ATRX: variants seen among roughly 807,000 people sequenced by gnomAD.
The protein encoded by ATRX is chromatin remodeler ATRX.
In ATRX, 12 loss-of-function variants were observed where a neutral mutation model predicts 172.6. The ratio of observed to expected loss-of-function variants is 0.07; its 90% CI spans 0.04 to 0.11. The LOEUF (loss-of-function observed/expected upper bound fraction) is 0.11. Ranked by LOEUF, ATRX falls within the 10% of genes least tolerant of loss-of-function variation. ATRX has a pLI of 1.00. For synonymous variants in ATRX, 674 were observed against 594.7 expected (o/e 1.13, Z -1.94); for missense variants, 1,368 against 1,767.4 (o/e 0.77, Z 4.05).
chrX:77,653,004 TAAAAA>T (rs554448289), intron 14 of ATRX, among the ~76,000 whole-genome samples: 1 of 69,013 alleles, frequency 1.4e-5, no homozygotes, highest in Middle Eastern at 7.8e-3. Flanking sequence ...TGTTTCTTGT[TAAAAA>T]AAAAAAAAAA....
At chrX:77,549,065 C>G (rs1257025688) in intron 30 of ATRX, among the ~76,000 whole-genome samples, 1 of 111,633 alleles carries the variant, frequency 9.0e-6, no homozygotes, top group Admixed American at 9.6e-5. Context: ...TTAAGAGGAA[C>G]AAAACACCCA....
At chrX:77,619,836 C>T (rs1361337507) in intron 20 of ATRX, among the ~76,000 whole-genome samples, 3 of 111,997 alleles carry the variant, frequency 2.7e-5, no homozygotes, top group Admixed American at 9.4e-5. Flanking sequence ...CAATTAGTTA[C>T]TTGCTGAATA....
intron 15 of ATRX, among the ~76,000 whole-genome samples, chrX:77,645,898 G>A (rs1206381351): frequency 9.0e-6 from 1 of 111,662 alleles, no homozygotes; most frequent in Non-Finnish European, 1.9e-5. Flanking sequence ...ATTCAAGTAA[G>A]ACTCTCATAA....
At chrX:77,638,359 G>T (rs1779087648) in intron 15 of ATRX, among the ~76,000 whole-genome samples, 1 of 112,840 alleles carries the variant, frequency 8.9e-6, no homozygotes, top group Admixed American at 9.3e-5. Context: ...TATAGTCCCA[G>T]CTACTCAGGA....
At chrX:77,748,018 T>G (rs781905760) in intron 1 of ATRX, among the ~76,000 whole-genome samples, 1 of 111,706 alleles carries the variant, frequency 9.0e-6, no homozygotes, top group East Asian at 2.8e-4. Context: ...AATCTAGGTT[T>G]CCTGACAGAA....
chrX:77,721,858 C>T (rs1482434187), intron 1 of ATRX, among the ~76,000 whole-genome samples: 1 of 111,525 alleles, frequency 9.0e-6, no homozygotes, highest in Admixed American at 9.6e-5. Context: ...AAATACCCCA[C>T]AGGGCCACGA....
chrX:77,505,118 G>C lies in ATRX; in HGVS notation c.*3233C>G, dbSNP rs1226504198. 1 of 169,692 alleles carries C rather than the reference G, an allele frequency of 5.9e-6. No individual in the cohort carries two copies. Among genetic ancestry groups the C allele is most frequent in the African/African-American group, 3.0e-5 (1 of 33,517 alleles). The allele number at this position is 169,692 out of a possible 1,213,427, so 14.0% of individuals were successfully genotyped here. On this transcript the variant is annotated 3_prime_UTR_variant, in exon 35 of 35. Transcript: ENST00000373344. ...GTAAATACCCTGAACATAATTTTTAGTATAATAAACATGTAAAAGGATTGA... is the reference window on the plus strand; with the variant it reads ...GTAAATACCCTGAACATAATTTTTACTATAATAAACATGTAAAAGGATTGA...
At position 77,664,632 on chromosome X, in the gene ATRX, C is replaced by A. The variant is rs782759335; in HGVS notation, c.3943+13G>T. 5.8e-6 allele frequency: 7 copies of A among 1,210,407 alleles called. No individual in the cohort carries two copies. The South Asian group carries it at 1.2e-4, about 21-fold the overall frequency. ...AAATTATGACATTATAAACTTCTCT[C>A]TGGGGAGCTCACCCTCATCTCCTGG... is the stretch of plus-strand genomic sequence containing the variant. On this transcript the variant is annotated intron_variant, in intron 11 of 34. Transcript: ENST00000373344.
chrX:77,619,512 T>A (rs1012587015), intron 20 of ATRX, among the ~76,000 whole-genome samples: 1 of 110,482 alleles, frequency 9.1e-6, no homozygotes, highest in Non-Finnish European at 1.9e-5. Flanking sequence ...AAAAAAAAAA[T>A]TAATTACTAA....
At chrX:77,599,356 C>T in intron 25 of ATRX, 55 bp downstream of exon 25, 1 of 1,178,314 alleles carries the variant, frequency 8.5e-7, no homozygotes, top group Non-Finnish European at 1.2e-6. Context: ...GGACTAACGA[C>T]ATGACATTTT....
In ATRX at chrX:77,656,609, C is replaced by T; in HGVS notation, c.4165G>A (p.Val1389Ile). The change falls in exon 13 of 35, where the codon GTT becomes ATT. Residue 1389 changes from valine (V) to isoleucine (I), a missense_variant. This residue lies in a region of ATRX where 119 missense variants were observed against 131.3 expected (regional missense o/e 0.91). Coordinates refer to ENST00000373344, the MANE Select transcript of ATRX (RefSeq NM_000489.6). ...TCGGATTCACTAACTTCTTCACTAA[C>T]TCCTGATTCCTGAAAATCAGAATCT... Reference protein sequence around the residue: ...SEDSDFQESGVSEEVSESEDE... With the variant: ...SEDSDFQESGISEEVSESEDE... 1 of 1,206,914 alleles carries T rather than the reference C, an allele frequency of 8.3e-7. No individual in the cohort carries two copies. The highest frequency in any genetic ancestry group is 1.1e-6 in the Non-Finnish European group (1 of 892,986).
intron 1 of ATRX, among the ~76,000 whole-genome samples, chrX:77,776,320 T>C (rs1337431476): frequency 9.1e-6 from 1 of 110,135 alleles, no homozygotes; most frequent in Non-Finnish European, 1.9e-5. Context: ...TAATAACTAA[T>C]ATTTGAGTAA....
intron 19 of ATRX, among the ~76,000 whole-genome samples, chrX:77,629,257 T>C (rs1489741690): frequency 8.9e-6 from 1 of 112,397 alleles, no homozygotes; most frequent in Non-Finnish European, 1.9e-5. Context: ...TATCACTAAT[T>C]TGTTCCAAAT....
intron 9 of ATRX, among the ~76,000 whole-genome samples, chrX:77,680,707 A>G: frequency 8.9e-6 from 1 of 111,746 alleles, no homozygotes; most frequent in South Asian, 3.7e-4. Flanking sequence ...ATTTTTAAAT[A>G]AATTCTGAGT....
At chrX:77,549,490 T>C (rs1338449979) in intron 30 of ATRX, among the ~76,000 whole-genome samples, 1 of 112,697 alleles carries the variant, frequency 8.9e-6, no homozygotes, top group African/African-American at 3.2e-5. Flanking sequence ...TTTACATAAA[T>C]GTTAACAGGT....
chrX:77,704,160 T>C (rs1289909350), intron 2 of ATRX, among the ~76,000 whole-genome samples: 1 of 110,316 alleles, frequency 9.1e-6, no homozygotes. Flanking sequence ...CTAGTATGAG[T>C]AGTACCTCTC....
intron 30 of ATRX, among the ~76,000 whole-genome samples, chrX:77,555,179 G>A (rs2064724979): frequency 9.0e-6 from 1 of 111,194 alleles, no homozygotes; most frequent in Non-Finnish European, 1.9e-5. Flanking sequence ...ACACCAGTTA[G>A]AATAATGATC....
chrX:77,710,698 G>C (rs2073066141), intron 2 of ATRX, among the ~76,000 whole-genome samples: 1 of 26,019 alleles, frequency 3.8e-5, no homozygotes, highest in Non-Finnish European at 6.8e-5. Flanking sequence ...AACCCCAAAA[G>C]ATTATTTACT....
In ATRX at chrX:77,620,536, C is replaced by T; in HGVS notation, c.5135-4G>A. Reference sequence around the variant, plus strand: ...TCACAAACAACAAAATCAGGGCCTACAAAAATAAACAGAAAAATAACACAA... The same window carrying T: ...TCACAAACAACAAAATCAGGGCCTATAAAAATAAACAGAAAAATAACACAA... On this transcript the variant is annotated splice_region_variant and splice_polypyrimidine_tract_variant and intron_variant, in intron 19 of 34. Transcript: ENST00000373344. 1 of 1,183,929 alleles carries T rather than the reference C, an allele frequency of 8.4e-7. No homozygotes were observed. Among genetic ancestry groups the T allele is most frequent in the Non-Finnish European group, 1.1e-6 (1 of 875,035 alleles).
Sources: allele counts gnomAD v4.1 joint callset (sites outside exome capture counted in the v4.1 genomes callset), GRCh38; gene constraint gnomAD v4.1.1; regional missense constraint gnomAD v4.1.1; transcripts MANE v1.5; gene names NCBI Gene and HGNC (gene_info 2026-07-23, HGNC 2026-07-21).